PACSIN1: variants seen among roughly 807,000 people sequenced by gnomAD.
PACSIN1 encodes protein kinase C and casein kinase substrate in neurons protein 1.
In PACSIN1, 15 loss-of-function variants were observed where a neutral mutation model predicts 59.5. That is an observed-to-expected ratio of 0.25 (90% CI 0.17 to 0.39). The LOEUF is 0.39. PACSIN1 is among the 10% of genes least tolerant of loss of function. The pLI is 1.00. For missense variants in PACSIN1, 420 were observed against 580.2 expected, an observed-to-expected ratio of 0.72 and a Z score of 2.84; for synonymous variants, 210 against 220.6, an observed-to-expected ratio of 0.95 and a Z score of 0.42.
chr6:34,481,957 C>G (rs931752848), intron 1 of PACSIN1, among the ~76,000 whole-genome samples: 1 of 152,224 alleles, frequency 6.6e-6, no homozygotes, highest in East Asian at 1.9e-4. Flanking sequence ...CCAATTCCCC[C>G]TCCCTCAGCT....
intron 1 of PACSIN1, among the ~76,000 whole-genome samples, chr6:34,473,207 C>G (rs1766595538): frequency 8.0e-6 from 1 of 124,980 alleles, no homozygotes; most frequent in Non-Finnish European, 1.6e-5. Flanking sequence ...AAAGGCTGGT[C>G]AGATCCAGAG....
chr6:34,484,534 G>A (rs1011790131), intron 1 of PACSIN1, among the ~76,000 whole-genome samples: 1 of 152,272 alleles, frequency 6.6e-6, no homozygotes, highest in Non-Finnish European at 1.5e-5. Flanking sequence ...GTAGATACAT[G>A]TCATCAACAT....
intron 1 of PACSIN1, among the ~76,000 whole-genome samples, chr6:34,513,879 C>T (rs181600210): frequency 6.6e-6 from 1 of 152,288 alleles, no homozygotes; most frequent in East Asian, 1.9e-4. Flanking sequence ...ATTATTCAGC[C>T]CCTTGATCCT....
At chr6:34,470,799 A>G (rs1349499795) in intron 1 of PACSIN1, among the ~76,000 whole-genome samples, 1 of 152,170 alleles carries the variant, frequency 6.6e-6, no homozygotes, top group African/African-American at 2.4e-5. Flanking sequence ...GTAATTTTAA[A>G]TTTCAGAAAA....
At position 34,523,536 on chromosome 6, in the gene PACSIN1, G is replaced by A. The variant is rs567124068; in HGVS notation, c.-63-2707G>A. ...GAGACACTAAAGTGTCTTCAGGGCT[G>A]AGCTAGCCTCACAGCCACTGGTGAG... On this transcript the variant is annotated intron_variant, in intron 1 of 9. Coordinates refer to ENST00000244458, the MANE Select transcript of PACSIN1 (RefSeq NM_020804.5). Among the ~76,000 whole-genome samples the A allele has an allele frequency of 2.6e-5, 4 of 152,350 alleles. No homozygotes were observed. The East Asian group carries it at 5.8e-4, about 22-fold the overall frequency.
At chr6:34,482,885 C>T (rs1396297715) in intron 1 of PACSIN1, among the ~76,000 whole-genome samples, 3 of 151,850 alleles carry the variant, frequency 2.0e-5, no homozygotes, top group Non-Finnish European at 4.4e-5. Context: ...CGGGGTTTCA[C>T]CATGTTGGCC....
intron 1 of PACSIN1, among the ~76,000 whole-genome samples, chr6:34,472,951 A>G (rs562885178): frequency 7.2e-5 from 11 of 152,110 alleles, no homozygotes; most frequent in Admixed American, 7.2e-4. Context: ...TAGTAAGCTC[A>G]TGGGGTTATC....
intron 1 of PACSIN1, among the ~76,000 whole-genome samples, chr6:34,491,165 A>C (rs1365328371): frequency 2.0e-5 from 3 of 152,074 alleles, no homozygotes; most frequent in Non-Finnish European, 4.4e-5. Flanking sequence ...CTCCAGCTGC[A>C]GGAGAGGAGG....
rs1581987192 is a variant in PACSIN1 at position 34,528,676 on chromosome 6, T to G, written c.255T>G (p.Gly85=). Residue 85 remains glycine, a synonymous_variant, in exon 4 of 10, where the codon GGT becomes GGG. Transcript: ENST00000244458. ...ATGGCAGCCTGGAGCGGGCCTGGGGTGCCATAATGACAGAGGCAGACAAGG... is the reference window on the plus strand; with the variant it reads ...ATGGCAGCCTGGAGCGGGCCTGGGGGGCCATAATGACAGAGGCAGACAAGG... ...PQYGSLERAW[G]AIMTEADKVS... 6.2e-7 allele frequency: 1 copy of G among 1,613,420 alleles called. No homozygotes were observed. The highest frequency in any genetic ancestry group is 8.5e-7 in the Non-Finnish European group (1 of 1,179,886).
At chr6:34,512,766 T>C (rs1767225487) in intron 1 of PACSIN1, among the ~76,000 whole-genome samples, 1 of 152,270 alleles carries the variant, frequency 6.6e-6, no homozygotes, top group Non-Finnish European at 1.5e-5. Flanking sequence ...AACTTGACTA[T>C]GAAACTTTTA....
At chr6:34,520,287 G>A (rs1424237992) in intron 1 of PACSIN1, among the ~76,000 whole-genome samples, 2 of 152,214 alleles carry the variant, frequency 1.3e-5, no homozygotes, top group East Asian at 3.8e-4. Flanking sequence ...TCTGGGTAAG[G>A]CGAGGAGTGG....
At chr6:34,527,583 C>A (rs1006936877) in intron 3 of PACSIN1, 95 bp downstream of exon 3, 2 of 1,143,534 alleles carry the variant, frequency 1.7e-6, no homozygotes, top group South Asian at 1.7e-5. Context: ...ATGCACCATG[C>A]CCTCCATCTA....
At chr6:34,501,835 C>A (rs1285725052) in intron 1 of PACSIN1, among the ~76,000 whole-genome samples, 2 of 151,952 alleles carry the variant, frequency 1.3e-5, no homozygotes, top group Non-Finnish European at 2.9e-5. Context: ...TCGAGGCCAT[C>A]CTGGCTAACA....
Position 34,530,728 on chromosome 6 carries a change from C to G in PACSIN1, c.1037+141C>G. The stretch of plus-strand genomic sequence containing the variant: ...TAAAAGATAGTGGTAGTTCATCACT[C>G]TAAAGCAGCCGTCCCCAATCTTTTT... On this transcript the variant is annotated intron_variant, in intron 8 of 9. Transcript: ENST00000244458. This position sits in a 1 kb window ranked among gnomAD's most constrained non-coding sequence, Gnocchi z 4.4. The G allele has an allele frequency of 1.1e-6, 1 of 945,914 alleles. No individual in the cohort carries two copies. Among genetic ancestry groups the G allele is most frequent in the Non-Finnish European group, 1.4e-6 (1 of 701,832 alleles). The allele number at this position is 945,914 out of a possible 1,614,324, so 58.6% of individuals were successfully genotyped here.
intron 1 of PACSIN1, among the ~76,000 whole-genome samples, chr6:34,489,183 C>CAAA (rs10638490): frequency 1.6e-5 from 2 of 124,644 alleles, no homozygotes. Flanking sequence ...GAGTTTGTCT[C>CAAA]AAAAAAAAAA....
chr6:34,474,395 T>G (rs906218590), intron 1 of PACSIN1, among the ~76,000 whole-genome samples: 2 of 152,184 alleles, frequency 1.3e-5, no homozygotes, highest in Non-Finnish European at 2.9e-5. Context: ...TGCCCCGTCC[T>G]TGCCTCACCA....
chr6:34,502,130 T>G (rs1162730892), intron 1 of PACSIN1, among the ~76,000 whole-genome samples: 9 of 150,662 alleles, frequency 6.0e-5, no homozygotes, highest in African/African-American at 2.2e-4. Flanking sequence ...CTGTGAACAC[T>G]ATCTCCTGGT....
At chr6:34,482,634 C>T (rs1205227609) in intron 1 of PACSIN1, among the ~76,000 whole-genome samples, 1 of 151,258 alleles carries the variant, frequency 6.6e-6, no homozygotes, top group African/African-American at 2.4e-5. Flanking sequence ...TGGATATATA[C>T]CTAGGAGTAG....
chr6:34,519,775 G>A (rs1199277269), intron 1 of PACSIN1, among the ~76,000 whole-genome samples: 6 of 152,114 alleles, frequency 3.9e-5, no homozygotes, highest in Non-Finnish European at 5.9e-5. Context: ...TGAGGAAACC[G>A]AGGCACAGAG....
Sources: allele counts gnomAD v4.1 joint callset (sites outside exome capture counted in the v4.1 genomes callset), GRCh38; gene constraint gnomAD v4.1.1; non-coding constraint Gnocchi (gnomAD v3.1); transcripts MANE v1.5; gene names NCBI Gene and HGNC (gene_info 2026-07-23, HGNC 2026-07-21).